Variants in PPP4R3A observed in about 807,000 individuals in gnomAD.
PPP4R3A encodes the protein serine/threonine-protein phosphatase 4 regulatory subunit 3A.
PPP4R3A carries 15 observed loss-of-function variants against 91.7 expected under a neutral mutation model. The observed-to-expected ratio is 0.16, with a 90% CI of 0.11 to 0.25. The LOEUF (loss-of-function observed/expected upper bound fraction) is 0.25, where lower values mean the gene tolerates loss of function less well. Ranked by LOEUF, PPP4R3A falls within the 10% of genes least tolerant of loss-of-function variation. PPP4R3A has a pLI of 1.00. For synonymous variants in PPP4R3A, 377 were observed against 348.7 expected (o/e 1.08, Z -0.91); for missense variants, 623 against 998.4 (o/e 0.62, Z 5.07).
intron 7 of PPP4R3A, among the ~76,000 whole-genome samples, chr14:91,474,326 A>G (rs1250258347): frequency 1.3e-5 from 2 of 152,174 alleles, no homozygotes; most frequent in Non-Finnish European, 2.9e-5. Context: ...CCTAAGTAGT[A>G]AATAAGATTG....
At chr14:91,498,932 AAAG>A (rs1362930995) in intron 1 of PPP4R3A, among the ~76,000 whole-genome samples, 6 of 150,778 alleles carry the variant, frequency 4.0e-5, no homozygotes, top group East Asian at 1.9e-4. Flanking sequence ...AAAAAAAAAA[AAAG>A]AAGCCTGGCT....
intron 3 of PPP4R3A, among the ~76,000 whole-genome samples, chr14:91,483,463 T>C (rs753115372): frequency 6.6e-6 from 1 of 152,212 alleles, no homozygotes; most frequent in Non-Finnish European, 1.5e-5. Context: ...GGCTCTGAAT[T>C]TGTTAATTAT....
At chr14:91,498,822 G>C (rs1890749722) in intron 1 of PPP4R3A, among the ~76,000 whole-genome samples, 1 of 150,468 alleles carries the variant, frequency 6.6e-6, no homozygotes, top group African/African-American at 2.5e-5. Context: ...GCTGAGGCAG[G>C]AGAATTGCAT....
intron 2 of PPP4R3A, among the ~76,000 whole-genome samples, chr14:91,488,757 T>TA (rs565005405): frequency 6.6e-6 from 1 of 152,070 alleles, no homozygotes; most frequent in Non-Finnish European, 1.5e-5. Flanking sequence ...ATTTAAGAGG[T>TA]AAAGAGGCCA....
chr14:91,493,966 G>A (rs1890387692), intron 1 of PPP4R3A, among the ~76,000 whole-genome samples: 1 of 149,966 alleles, frequency 6.7e-6, no homozygotes, highest in Non-Finnish European at 1.5e-5. Context: ...GTTTCTCCAT[G>A]TTGGTCAGGC....
At chr14:91,465,868 T>C (rs1888446429) in intron 10 of PPP4R3A, among the ~76,000 whole-genome samples, 1 of 152,214 alleles carries the variant, frequency 6.6e-6, no homozygotes, top group African/African-American at 2.4e-5. Flanking sequence ...TCTTATTATT[T>C]TGCATTGTAG....
rs1891673565 is a variant in PPP4R3A at position 91,509,810 on chromosome 14, C to A, written c.-163G>T. On this transcript the variant is annotated 5_prime_UTR_variant, in exon 1 of 15. Transcript: ENST00000554943. ...GGGCCGCGCCGCCGCCTGCATGGCC[C>A]GCTCCAGGGACCGAGCTCTGGGCCG... 6 of 1,223,022 alleles carry A rather than the reference C, an allele frequency of 4.9e-6. No homozygotes were observed. The highest frequency in any genetic ancestry group is 4.5e-5 in the Admixed American group (1 of 21,980). 75.8% of individuals were successfully genotyped at this position (1,223,022 alleles called of 1,614,324 possible).
intron 1 of PPP4R3A, among the ~76,000 whole-genome samples, chr14:91,507,455 ATATAC>A (rs1174099116): frequency 2.2e-5 from 3 of 134,282 alleles, no homozygotes; most frequent in Non-Finnish European, 3.1e-5. Context: ...TATATAGTAT[ATATAC>A]TATAATTATA....
intron 9 of PPP4R3A, among the ~76,000 whole-genome samples, chr14:91,471,327 A>T (rs1888817376): frequency 6.6e-6 from 1 of 152,170 alleles, no homozygotes; most frequent in Non-Finnish European, 1.5e-5. Flanking sequence ...ACCCTCTACC[A>T]GGTACCTTAG....
chr14:91,508,861 T>C (rs760161533), intron 1 of PPP4R3A, among the ~76,000 whole-genome samples: 5 of 152,206 alleles, frequency 3.3e-5, no homozygotes, highest in Non-Finnish European at 7.3e-5. Flanking sequence ...CTTTGCAAGA[T>C]GTTTATATAG....
chr14:91,465,528 ATAAT>A (rs1888419041), intron 10 of PPP4R3A, 109 bp from the exon 11 acceptor site: 1 of 902,384 alleles, frequency 1.1e-6, no homozygotes, highest in South Asian at 2.8e-5. Flanking sequence ...ACACATATCA[ATAAT>A]TATTTATGAT....
intron 2 of PPP4R3A, among the ~76,000 whole-genome samples, chr14:91,486,917 A>AT (rs79640915): frequency 3.1e-4 from 46 of 149,196 alleles, no homozygotes; most frequent in Non-Finnish European, 5.4e-4. Context: ...AAAAAAAAAA[A>AT]AAAAAAATAG....
intron 1 of PPP4R3A, among the ~76,000 whole-genome samples, chr14:91,496,555 AG>A (rs1890583215): frequency 6.6e-6 from 1 of 152,210 alleles, no homozygotes; most frequent in South Asian, 2.1e-4. Flanking sequence ...AATAAGAAAG[AG>A]GGAAAAAAAG....
chr14:91,498,710 C>A (rs796170174), intron 1 of PPP4R3A, among the ~76,000 whole-genome samples: 1 of 151,304 alleles, frequency 6.6e-6, no homozygotes, highest in Admixed American at 6.6e-5. Context: ...GTCAGGAGAT[C>A]GAGACCATCC....
intron 13 of PPP4R3A, 72 bp from the exon 14 acceptor site, chr14:91,461,679 T>TAA: frequency 7.1e-7 from 1 of 1,417,750 alleles, no homozygotes; most frequent in Admixed American, 1.9e-5. Context: ...GAGGTAACAC[T>TAA]AAAACACATT....
chr14:91,485,881 T>A (rs369605905), intron 2 of PPP4R3A, 151 bp from the exon 3 acceptor site: 46 of 512,630 alleles, frequency 9.0e-5, no homozygotes, highest in South Asian at 7.6e-4. Flanking sequence ...AAACAATGAC[T>A]TTTTACACTT....
chr14:91,471,107 T>A (rs1888803911), intron 9 of PPP4R3A, 112 bp from the exon 10 acceptor site: 3 of 1,004,542 alleles, frequency 3.0e-6, no homozygotes, highest in South Asian at 3.7e-5. Context: ...CCTAAATATA[T>A]TAACTTTAGG....
chr14:91,477,847 T>C (rs1378877206), intron 4 of PPP4R3A, among the ~76,000 whole-genome samples: 1 of 152,194 alleles, frequency 6.6e-6, no homozygotes, highest in Admixed American at 6.5e-5. Flanking sequence ...TGGGGTTTTG[T>C]CATGTTGGCC....
chr14:91,489,848 C>T (rs893013650), intron 2 of PPP4R3A, among the ~76,000 whole-genome samples: 3 of 152,158 alleles, frequency 2.0e-5, no homozygotes, highest in Admixed American at 1.3e-4. Flanking sequence ...AAATAAATCA[C>T]GACTAAATAT....
Sources: gnomAD v4.1 joint callset for allele counts (sites outside exome capture counted in the v4.1 genomes callset) on GRCh38, gnomAD v4.1.1 for gene constraint, MANE v1.5 for transcripts, NCBI Gene and HGNC (gene_info 2026-07-23, HGNC 2026-07-21) for gene names.